PPP2R1B: variants seen among roughly 807,000 people sequenced by gnomAD.
The protein encoded by PPP2R1B is serine/threonine-protein phosphatase 2A 65 kDa regulatory subunit A beta isoform.
A neutral mutation model predicts 72.7 loss-of-function variants in PPP2R1B; 58 were observed. That is an observed-to-expected ratio of 0.80 (90% CI 0.65 to 0.99). The LOEUF (loss-of-function observed/expected upper bound fraction) is 0.99, where lower values mean the gene tolerates loss of function less well. Among genes scored for constraint, PPP2R1B ranks in the 50% least tolerant of loss-of-function variants. PPP2R1B has a pLI of 0.00. For missense variants in PPP2R1B, 695 were observed against 733.6 expected, an observed-to-expected ratio of 0.95 and a Z score of 0.61; for synonymous variants, 256 against 264.6, an observed-to-expected ratio of 0.97 and a Z score of 0.32.
the PPP2R1B span, among the ~76,000 whole-genome samples, chr11:111,707,237 TA>T: frequency 1.3e-5 from 2 of 152,218 alleles, no homozygotes; most frequent in Non-Finnish European, 2.9e-5. Flanking sequence ...TTATTCTTCT[TA>T]AACATTACGC....
chr11:111,750,526 A>G (rs1424309654), intron 10 of PPP2R1B, among the ~76,000 whole-genome samples: 1 of 152,158 alleles, frequency 6.6e-6, no homozygotes, highest in Non-Finnish European at 1.5e-5. Flanking sequence ...GCACTATGGT[A>G]GGGACTGGAA....
rs551184659 is a variant in PPP2R1B, at chr11:111,738,974, A to G, written c.*2622T>C. 15 of 985,220 alleles carry G rather than the reference A, an allele frequency of 1.5e-5. No individual in the cohort carries two copies. The East Asian group carries it at 1.7e-3, about 112-fold the overall frequency. The allele number at this position is 985,220 out of a possible 1,614,324, so 61.0% of individuals were successfully genotyped here. ...AAACAACTGATGTAAGCTGCCAAGG[A>G]TGAAAAACAACATTACATGTCTGAA... On this transcript the variant is annotated 3_prime_UTR_variant, in exon 15 of 15. Transcript: ENST00000527614.
chr11:111,732,701 TAAAC>T (rs971666037), intron 15 of PPP2R1B, among the ~76,000 whole-genome samples: 321 of 152,018 alleles, frequency 2.1e-3, no homozygotes, highest in East Asian at 5.6e-3. Context: ...AAAAAACAAA[TAAAC>T]AAACAAACAA....
At chr11:111,734,033 T>C (rs912452665), downstream of PPP2R1B, among the ~76,000 whole-genome samples, 1 of 152,116 alleles carries the variant, frequency 6.6e-6, no homozygotes, top group Non-Finnish European at 1.5e-5. Context: ...CAAATCATTG[T>C]AAAGGCTGGT....
chr11:111,698,772 T>G, the PPP2R1B span, among the ~76,000 whole-genome samples: 1 of 152,198 alleles, frequency 6.6e-6, no homozygotes, highest in Non-Finnish European at 1.5e-5. Context: ...TATCCTCAAT[T>G]TACAGGCACT....
At chr11:111,743,054 C>T (rs1055818639) in intron 12 of PPP2R1B, among the ~76,000 whole-genome samples, 1 of 151,848 alleles carries the variant, frequency 6.6e-6, no homozygotes. Context: ...CCACCATGCC[C>T]GGCTAATTTT....
Position 111,754,580 on chromosome 11 carries a change from A to C in PPP2R1B, c.959-11T>G. 1 of 1,592,768 alleles carries C rather than the reference A, an allele frequency of 6.3e-7. No individual in the cohort carries two copies. Among genetic ancestry groups the C allele is most frequent in the Non-Finnish European group, 8.5e-7 (1 of 1,175,172 alleles). On this transcript the variant is annotated splice_polypyrimidine_tract_variant and intron_variant, in intron 7 of 14. Coordinates refer to ENST00000527614, the MANE Select transcript of PPP2R1B (RefSeq NM_002716.5). ...AGTTCTCACCAAGTTCTAAAAGATA[A>C]ATAGAAAAAAAGAATGCTTTCACAG...
intron 15 of PPP2R1B, among the ~76,000 whole-genome samples, chr11:111,732,646 G>A (rs1045889703): frequency 2.0e-5 from 3 of 152,148 alleles, no homozygotes; most frequent in East Asian, 1.9e-4. Context: ...AGCTGAGATC[G>A]CACCACTGCA....
chr11:111,721,752 C>T, the PPP2R1B span: 1 of 1,125,006 alleles, frequency 8.9e-7, no homozygotes. Flanking sequence ...TTGGACATTG[C>T]AAAGGTGCTT....
downstream of PPP2R1B, chr11:111,724,168 A>T (rs1943896534): frequency 6.3e-7 from 1 of 1,579,628 alleles, no homozygotes; most frequent in South Asian, 1.1e-5. Context: ...GTGAAGGAAG[A>T]GTGTATGTTC....
the PPP2R1B span, among the ~76,000 whole-genome samples, chr11:111,713,097 C>T: frequency 4.9e-3 from 752 of 152,034 alleles, 9 homozygotes; most frequent in African/African-American, 0.017. Context: ...CCCAGGGGGC[C>T]GAGGTGGCAG....
chr11:111,716,062 A>C, the PPP2R1B span, among the ~76,000 whole-genome samples: 6 of 152,108 alleles, frequency 3.9e-5, no homozygotes, highest in Non-Finnish European at 8.8e-5. Flanking sequence ...TTGGCCTCCC[A>C]AAGTACTGGG....
chr11:111,757,062 C>T (rs1227269363), intron 5 of PPP2R1B, among the ~76,000 whole-genome samples: 12 of 149,942 alleles, frequency 8.0e-5, no homozygotes, highest in South Asian at 2.1e-4. Context: ...TGCAGTGAGC[C>T]GAGATCGCGC....
At chr11:111,746,136 G>T (rs1944695328) in intron 11 of PPP2R1B, among the ~76,000 whole-genome samples, 1 of 152,146 alleles carries the variant, frequency 6.6e-6, no homozygotes, top group Non-Finnish European at 1.5e-5. Context: ...TGGAATATTA[G>T]AACTTTAAAA....
chr11:111,728,825 G>C (rs929896059), intron 15 of PPP2R1B: 2 of 151,866 alleles, frequency 1.3e-5, no homozygotes, highest in Non-Finnish European at 2.9e-5. Context: ...TCGGGAGGCT[G>C]AGGCAGGAGA....
chr11:111,698,633 G>A, the PPP2R1B span, among the ~76,000 whole-genome samples: 1 of 152,122 alleles, frequency 6.6e-6, no homozygotes, highest in Non-Finnish European at 1.5e-5. Flanking sequence ...TACTCAGGAG[G>A]TTGAGGTGCG....
the PPP2R1B span, among the ~76,000 whole-genome samples, chr11:111,696,353 ATG>A: frequency 6.6e-6 from 1 of 152,194 alleles, no homozygotes; most frequent in Non-Finnish European, 1.5e-5. Flanking sequence ...TACTGTAGGT[ATG>A]TAAAATGTTA....
chr11:111,707,741 A>G, the PPP2R1B span, among the ~76,000 whole-genome samples: 2 of 152,190 alleles, frequency 1.3e-5, no homozygotes, highest in African/African-American at 4.8e-5. Flanking sequence ...GAAGTGGCAA[A>G]TCACTTGTTT....
Position 111,741,525 on chromosome 11 carries a change from C to A in PPP2R1B, c.*71G>T. On this transcript the variant is annotated 3_prime_UTR_variant, in exon 15 of 15. Transcript: ENST00000527614. The stretch of plus-strand genomic sequence containing the variant: ...TGAAGGTTTTCCATTCTTTCTCCAC[C>A]CAGTTAAGAACACATTGACTAGAAA... The A allele has an allele frequency of 1.9e-6, 3 of 1,578,698 alleles. No individual in the cohort carries two copies. Among genetic ancestry groups the A allele is most frequent in the Non-Finnish European group, 2.6e-6 (3 of 1,167,532 alleles).
Sources: gnomAD v4.1 joint callset for allele counts (sites outside exome capture counted in the v4.1 genomes callset) on GRCh38, gnomAD v4.1.1 for gene constraint, MANE v1.5 for transcripts, NCBI Gene and HGNC (gene_info 2026-07-23, HGNC 2026-07-21) for gene names.